Variants in TRHDE observed in about 807,000 individuals in gnomAD.
TRHDE encodes the protein thyrotropin-releasing hormone-degrading ectoenzyme.
Under a neutral mutation model 125.7 loss-of-function variants are expected in TRHDE, and 72 were observed. The ratio of observed to expected loss-of-function variants is 0.57; its 90% confidence interval spans 0.47 to 0.70. The LOEUF (loss-of-function observed/expected upper bound fraction) is 0.70, where lower values mean the gene tolerates loss of function less well. Ranked by LOEUF, TRHDE falls within the 30% of genes least tolerant of loss-of-function variation. The pLI, the probability that TRHDE is intolerant of heterozygous loss-of-function variation, is 0.00. For synonymous variants in TRHDE, 509 were observed against 509.1 expected (o/e 1.00, Z 0.00); for missense variants, 1,110 against 1,327.1 (o/e 0.84, Z 2.54).
In TRHDE at chr12:72,165,737, C is replaced by T. The variant is rs117085819; in HGVS notation, n.279+59985C>T. On this transcript the variant is annotated intron_variant and non_coding_transcript_variant, in intron 2 of 4. Coordinates refer to the TRHDE transcript ENST00000548156. ...CGCCCAGGCTGGAGGGTCAGGGGCA[C>T]GATCTTGGCTCACTGCAAGCTGCGC... Among the ~76,000 whole-genome samples the T allele has an allele frequency of 4.0e-3, 613 of 151,610 alleles. 1 individual carries two copies. Among genetic ancestry groups the T allele is most frequent in the Admixed American group, 8.5e-3 (129 of 15,240 alleles).
intron 6 of TRHDE, among the ~76,000 whole-genome samples, chr12:72,510,989 C>T (rs752557056): frequency 6.6e-6 from 1 of 152,232 alleles, no homozygotes; most frequent in East Asian, 1.9e-4. Context: ...CACCATTTCT[C>T]TGTCAACATC....
chr12:72,117,779 G>C (rs1446713592), intron 2 of TRHDE, among the ~76,000 whole-genome samples: 1 of 150,836 alleles, frequency 6.6e-6, no homozygotes, highest in Non-Finnish European at 1.5e-5. Context: ...TTTTCATGTA[G>C]AGATATTTTA....
At chr12:72,583,725 G>C (rs572761382) in intron 12 of TRHDE, among the ~76,000 whole-genome samples, 1 of 152,102 alleles carries the variant, frequency 6.6e-6, no homozygotes, top group South Asian at 2.1e-4. Context: ...GTTTCTGCAG[G>C]AATATGCTGG....
intron 2 of TRHDE, among the ~76,000 whole-genome samples, chr12:72,203,287 C>A (rs966971714): frequency 1.3e-5 from 2 of 151,968 alleles, no homozygotes; most frequent in Admixed American, 6.6e-5. Flanking sequence ...CGGTGAAATC[C>A]CGTCTCTACT....
At chr12:72,583,992 G>A (rs2054272796) in intron 12 of TRHDE, among the ~76,000 whole-genome samples, 1 of 82,364 alleles carries the variant, frequency 1.2e-5, no homozygotes, top group South Asian at 3.0e-4. Context: ...GTGCAGTGGC[G>A]CAATCTCGGC....
At chr12:72,491,754 ATCGCTT>A (rs1877694568) in intron 5 of TRHDE, among the ~76,000 whole-genome samples, 1 of 152,008 alleles carries the variant, frequency 6.6e-6, no homozygotes, top group Non-Finnish European at 1.5e-5. Flanking sequence ...ATAAAATATA[ATCGCTT>A]TTTAAGTTTA....
At chr12:72,298,450 C>A (rs1423078135) in intron 2 of TRHDE, among the ~76,000 whole-genome samples, 1 of 152,152 alleles carries the variant, frequency 6.6e-6, no homozygotes, top group Non-Finnish European at 1.5e-5. Context: ...AAAAGTTTTT[C>A]TTTCTGGCTT....
intron 13 of TRHDE, among the ~76,000 whole-genome samples, chr12:72,620,305 C>A (rs949154961): frequency 7.0e-6 from 1 of 141,848 alleles, no homozygotes; most frequent in African/African-American, 2.7e-5. Context: ...TGAGGGAGAG[C>A]CAACCTGGGC....
intron 15 of TRHDE, among the ~76,000 whole-genome samples, chr12:72,624,454 G>A (rs1227236901): frequency 6.6e-6 from 1 of 151,934 alleles, no homozygotes; most frequent in East Asian, 1.9e-4. Flanking sequence ...AGTCATAGAA[G>A]TAGCAGGGAT....
chr12:72,559,667 A>C (rs1470759773), intron 7 of TRHDE, among the ~76,000 whole-genome samples: 2 of 152,212 alleles, frequency 1.3e-5, no homozygotes, highest in Admixed American at 6.5e-5. Flanking sequence ...ATTTTATATC[A>C]TAATGTCAAA....
At chr12:72,430,890 G>A (rs1249547336) in intron 3 of TRHDE, among the ~76,000 whole-genome samples, 1 of 151,894 alleles carries the variant, frequency 6.6e-6, no homozygotes, top group African/African-American at 2.4e-5. Context: ...AACATAGGAT[G>A]CTTTTTAAAA....
intron 2 of TRHDE, among the ~76,000 whole-genome samples, chr12:72,129,427 A>T (rs1397134720): frequency 6.6e-6 from 1 of 152,232 alleles, no homozygotes; most frequent in African/African-American, 2.4e-5. Context: ...ATGAATGCCT[A>T]GATTGTCTCC....
chr12:72,636,324 G>A (rs1873749634), intron 15 of TRHDE, among the ~76,000 whole-genome samples: 1 of 150,876 alleles, frequency 6.6e-6, no homozygotes, highest in Admixed American at 6.6e-5. Flanking sequence ...TGTTGTATAA[G>A]AATGCTTGTG....
intron 3 of TRHDE, among the ~76,000 whole-genome samples, chr12:72,381,488 C>T (rs1308405902): frequency 2.0e-5 from 3 of 150,634 alleles, no homozygotes; most frequent in Non-Finnish European, 3.0e-5. Flanking sequence ...CTCCGCCTCC[C>T]GGGTTCACGC....
intron 2 of TRHDE, among the ~76,000 whole-genome samples, chr12:72,200,348 C>A (rs564903112): frequency 3.9e-5 from 6 of 152,224 alleles, no homozygotes; most frequent in African/African-American, 1.4e-4. Flanking sequence ...AATGTTCAAA[C>A]CTCAGTTTAT....
chr12:72,583,863 T>C (rs1412146021), intron 12 of TRHDE, among the ~76,000 whole-genome samples: 2 of 151,446 alleles, frequency 1.3e-5, no homozygotes, highest in Non-Finnish European at 2.9e-5. Flanking sequence ...CAGGTACTTA[T>C]GAGAAGTACA....
chr12:72,227,309 A>C (rs1311304265), intron 2 of TRHDE, among the ~76,000 whole-genome samples: 1 of 152,204 alleles, frequency 6.6e-6, no homozygotes, highest in Non-Finnish European at 1.5e-5. Flanking sequence ...TCATGAAAGA[A>C]GACAAAGGAG....
chr12:72,194,667 A>G (rs1287599754), intron 2 of TRHDE, among the ~76,000 whole-genome samples: 1 of 152,134 alleles, frequency 6.6e-6, no homozygotes. Context: ...ACTTAGGATA[A>G]TAGCCTCCAG....
At chr12:72,428,483 T>C (rs146025943) in intron 3 of TRHDE, among the ~76,000 whole-genome samples, 168 of 152,308 alleles carry the variant, frequency 1.1e-3, no homozygotes, top group African/African-American at 3.8e-3. Flanking sequence ...AAGCATTCTG[T>C]CTTTGAATGA....
Sources: gnomAD v4.1 joint callset for allele counts (sites outside exome capture counted in the v4.1 genomes callset) on GRCh38, gnomAD v4.1.1 for gene constraint, MANE v1.5 for transcripts, NCBI Gene and HGNC (gene_info 2026-07-23, HGNC 2026-07-21) for gene names.